HAPLN3: variants seen among roughly 807,000 people sequenced by gnomAD.
The protein encoded by HAPLN3 is extracellular link domain containing, 1.
HAPLN3 carries 28 observed loss-of-function variants against 28.1 expected under a neutral mutation model. The ratio of observed to expected loss-of-function variants is 1.00; its 90% CI spans 0.74 to 1.37. The LOEUF (loss-of-function observed/expected upper bound fraction) is 1.37, where lower values mean the gene tolerates loss of function less well. HAPLN3 is among the 40% of genes most tolerant of loss of function. HAPLN3 has a pLI of 0.00. For missense variants in HAPLN3, 513 were observed against 504.6 expected, an observed-to-expected ratio of 1.02 and a Z score of -0.16; for synonymous variants, 211 against 213.1, an observed-to-expected ratio of 0.99 and a Z score of 0.09.
intron 1 of HAPLN3, among the ~76,000 whole-genome samples, chr15:88,890,307 A>G (rs1332352733): frequency 6.6e-6 from 1 of 152,192 alleles, no homozygotes; most frequent in Non-Finnish European, 1.5e-5. Flanking sequence ...CTTCTTGTCC[A>G]AGAGGAATTC....
chr15:88,891,087 C>T (rs1468461200), intron 1 of HAPLN3, among the ~76,000 whole-genome samples: 1 of 152,028 alleles, frequency 6.6e-6, no homozygotes, highest in East Asian at 1.9e-4. Flanking sequence ...GCCATGTTGG[C>T]CAAGCTAGTC....
At position 88,880,881 on chromosome 15, in the gene HAPLN3, G is replaced by T. The variant is rs1218409221; in HGVS notation, c.493+476C>A. On this transcript the variant is annotated intron_variant, in intron 3 of 4. Transcript: ENST00000359595. The surrounding 1 kb of genome is among the most constrained non-coding windows in gnomAD (Gnocchi z 6.0). ...ATTCTGGCGTGGCATCATCAGCTGG[G>T]CCTGAGTAGTGTGGGAGCTCCCTGG... 6.6e-6 allele frequency among the ~76,000 whole-genome samples: 1 copy of T among 152,318 alleles called. No individual in the cohort carries two copies. The highest frequency in any genetic ancestry group is 1.9e-4 in the East Asian group (1 of 5,188).
intron 1 of HAPLN3, among the ~76,000 whole-genome samples, chr15:88,890,237 C>G (rs1402574708): frequency 1.3e-5 from 2 of 152,116 alleles, no homozygotes; most frequent in Non-Finnish European, 2.9e-5. Context: ...AATCCCAAGG[C>G]CCAGACCTGC....
intron 1 of HAPLN3, among the ~76,000 whole-genome samples, chr15:88,894,816 G>A (rs1461064089): frequency 1.3e-5 from 2 of 152,174 alleles, no homozygotes; most frequent in Non-Finnish European, 2.9e-5. Context: ...GTTTCTCCCT[G>A]AGGGTCGCCA....
At chr15:88,878,854 G>T in intron 4 of HAPLN3, 113 bp downstream of exon 4, 1 of 1,169,844 alleles carries the variant, frequency 8.5e-7, no homozygotes. Context: ...TGGCCTCCAG[G>T]TGGCAGTACC....
At chr15:88,892,843 G>T in intron 1 of HAPLN3, 2 of 1,014,708 alleles carry the variant, frequency 2.0e-6, no homozygotes, top group Non-Finnish European at 2.8e-6. Context: ...GACCATCCCT[G>T]ACCACTACCA....
chr15:88,891,741 C>G (rs1038077753), intron 1 of HAPLN3, among the ~76,000 whole-genome samples: 5 of 152,204 alleles, frequency 3.3e-5, no homozygotes, highest in Non-Finnish European at 7.3e-5. Context: ...GGATTCGAAC[C>G]CACTCCAGCC....
At position 88,879,238 on chromosome 15, in the gene HAPLN3, C is replaced by A; in HGVS notation, c.525G>T (p.Gly175=). 6.2e-7 allele frequency: 1 copy of A among 1,609,236 alleles called. No individual in the cohort carries two copies. Among genetic ancestry groups the A allele is most frequent in the Non-Finnish European group, 8.5e-7 (1 of 1,177,206 alleles). The change falls in exon 4 of 5, where the codon GGG becomes GGT. Residue 175 remains glycine (G), a synonymous_variant. Transcript: ENST00000359595. The surrounding 1 kb of genome is among the most constrained non-coding windows in gnomAD (Gnocchi z 5.0). The stretch of plus-strand genomic sequence containing the variant: ...CCTCGTGGAAGTTGAACTGGTAGCG[C>A]CCGTTGGGGGACTGGTAAGGAAAGA... The part of the protein sequence containing the change: ...GVVFPYQSPN[G]RYQFNFHEGQ...
Position 88,888,483 on chromosome 15 carries a change from G to A in HAPLN3, c.-47-1138C>T, listed in dbSNP as rs886525248. Among the ~76,000 whole-genome samples the A allele has an allele frequency of 4.6e-5, 7 of 152,112 alleles. No individual in the cohort carries two copies. Among genetic ancestry groups the A allele is most frequent in the African/African-American group, 1.7e-4 (7 of 41,406 alleles). On this transcript the variant is annotated intron_variant, in intron 1 of 4. Coordinates refer to ENST00000359595, the MANE Select transcript of HAPLN3 (RefSeq NM_178232.4). This position sits in a 1 kb window ranked among gnomAD's most constrained non-coding sequence, Gnocchi z 4.1. ...AGAGGTAGCCAACCCATGGGCTGTA[G>A]TTTGATGATTTGATTTTTTTTTAAA... is the stretch of plus-strand genomic sequence containing the variant.
In HAPLN3 at chr15:88,882,958, T is replaced by C. The variant is rs569847251; in HGVS notation, c.125-1233A>G. On this transcript the variant is annotated intron_variant, in intron 2 of 4. Coordinates refer to ENST00000359595, the MANE Select transcript of HAPLN3 (RefSeq NM_178232.4). ...AAGTCAAGGCTGCAGTGAGTCATGA[T>C]CGCACCACTGCATTCCAAACTGGGT... Among the ~76,000 whole-genome samples, 8 of 152,274 alleles carry C rather than the reference T, an allele frequency of 5.3e-5. No homozygotes were observed. The South Asian group carries it at 1.5e-3, about 28-fold the overall frequency.
chr15:88,880,436 G>A lies in HAPLN3; in HGVS notation c.493+921C>T. Reference sequence around the variant, plus strand: ...CATTGCCTCTGAGGGAGGTAAAGGAGGAAAGATTGTGATACCCCATTTTAC... The same window carrying A: ...CATTGCCTCTGAGGGAGGTAAAGGAAGAAAGATTGTGATACCCCATTTTAC... On this transcript the variant is annotated intron_variant, in intron 3 of 4. Coordinates refer to ENST00000359595, the MANE Select transcript of HAPLN3 (RefSeq NM_178232.4). This position sits in a 1 kb window ranked among gnomAD's most constrained non-coding sequence, Gnocchi z 6.0. The A allele has an allele frequency of 8.4e-7, 1 of 1,195,984 alleles. No homozygotes were observed. Among genetic ancestry groups the A allele is most frequent in the Non-Finnish European group, 1.1e-6 (1 of 942,340 alleles). 74.1% of individuals were successfully genotyped at this position (1,195,984 alleles called of 1,614,324 possible). A position where few individuals can be genotyped will look rare whatever the true frequency, so the allele number is the denominator to read the frequency against.
intron 4 of HAPLN3, among the ~76,000 whole-genome samples, chr15:88,878,743 T>G (rs1004812537): frequency 4.6e-5 from 7 of 152,156 alleles, no homozygotes; most frequent in Admixed American, 4.6e-4. Context: ...CAGTAAACAT[T>G]TGATGAATGA....
rs192341682 is a variant in HAPLN3, at chr15:88,881,127, C to T, written c.493+230G>A. 19 of 582,568 alleles carry T rather than the reference C, an allele frequency of 3.3e-5. No individual in the cohort carries two copies. Among genetic ancestry groups the T allele is most frequent in the African/African-American group, 2.6e-4 (14 of 53,480 alleles). The allele number at this position is 582,568 out of a possible 1,614,324, so 36.1% of individuals were successfully genotyped here. A position where few individuals can be genotyped will look rare whatever the true frequency, so the allele number is the denominator to read the frequency against. ...TAGAGGCTGGGTGCTTGGGTTCAGA[C>T]CCCAGCTCTGTCGTTTACAAGCTGT... is the stretch of plus-strand genomic sequence containing the variant. On this transcript the variant is annotated intron_variant, in intron 3 of 4. Transcript: ENST00000359595. The surrounding 1 kb of genome is among the most constrained non-coding windows in gnomAD (Gnocchi z 6.0).
At chr15:88,892,291 T>C (rs111232466) in intron 1 of HAPLN3, among the ~76,000 whole-genome samples, 22,898 of 151,826 alleles carry the variant, frequency 0.15, 2,180 homozygotes, top group South Asian at 0.28. Context: ...ACCCCGTCTC[T>C]ACTAAAAATA....
rs145546030 is a variant in HAPLN3 at position 88,888,343 on chromosome 15, G to A, written c.-47-998C>T. On this transcript the variant is annotated intron_variant, in intron 1 of 4. Coordinates refer to ENST00000359595, the MANE Select transcript of HAPLN3 (RefSeq NM_178232.4). The surrounding 1 kb of genome is among the most constrained non-coding windows in gnomAD (Gnocchi z 4.1). ...CCTGACCTAGTGATCAGCCCGCCTC[G>A]GCCTCCCAAAGTGCTGAGATTACAG... Among the ~76,000 whole-genome samples, 407 of 151,990 alleles carry A rather than the reference G, an allele frequency of 2.7e-3. 3 individuals are homozygous for A. Among genetic ancestry groups the A allele is most frequent in the African/African-American group, 9.4e-3 (391 of 41,464 alleles).
intron 2 of HAPLN3, among the ~76,000 whole-genome samples, chr15:88,885,013 G>A (rs1174348650): frequency 2.0e-5 from 3 of 152,250 alleles, no homozygotes; most frequent in Middle Eastern, 3.2e-3. Flanking sequence ...AAAGCAGTGA[G>A]AGAATACATT....
chr15:88,881,687 C>T lies in HAPLN3; in HGVS notation c.163G>A (p.Glu55Lys), dbSNP rs768292421. The change falls in exon 3 of 5, where the codon GAG becomes AAG. Residue 55 changes from glutamate (E) to lysine (K), a missense_variant. Glu to Lys is a moderately conservative substitution (Grantham distance 56). Transcript: ENST00000359595. This position sits in a 1 kb window ranked among gnomAD's most constrained non-coding sequence, Gnocchi z 6.0. The stretch of plus-strand genomic sequence containing the variant: ...CCTTGGTAGGTGAACAGGGTCTCCT[C>T]GGGTGTCTCCACCACCAGCTTCACT... ...NGVKLVVETP[E>K]ETLFTYQGAS... 2.9e-5 allele frequency: 47 copies of T among 1,613,352 alleles called. No homozygotes were observed. The Admixed American group carries it at 6.3e-4, about 22-fold the overall frequency.
In HAPLN3 at chr15:88,880,707, G is replaced by T. The variant is rs1897672759; in HGVS notation, c.493+650C>A. 7.9e-6 allele frequency: 5 copies of T among 631,634 alleles called. No homozygotes were observed. The highest frequency in any genetic ancestry group is 1.1e-5 in the Non-Finnish European group (5 of 450,716). 39.1% of individuals were successfully genotyped at this position (631,634 alleles called of 1,614,324 possible). The stretch of plus-strand genomic sequence containing the variant: ...GTGTGGCTGGTTTGGACAGCACTGG[G>T]TTTTTGTTTTTGGTTTTGGGGGGGC... On this transcript the variant is annotated intron_variant, in intron 3 of 4. Coordinates refer to ENST00000359595, the MANE Select transcript of HAPLN3 (RefSeq NM_178232.4). This position sits in a 1 kb window ranked among gnomAD's most constrained non-coding sequence, Gnocchi z 6.0.
At position 88,879,368 on chromosome 15, in the gene HAPLN3, C is replaced by A. The variant is rs1022631072; in HGVS notation, c.494-99G>T. The A allele has an allele frequency of 4.5e-6, 7 of 1,572,592 alleles. No individual in the cohort carries two copies. The African/African-American group carries it at 5.4e-5, about 12-fold the overall frequency. On this transcript the variant is annotated intron_variant, in intron 3 of 4. Transcript: ENST00000359595. The surrounding 1 kb of genome is among the most constrained non-coding windows in gnomAD (Gnocchi z 5.0). ...CCTTCACTGGGACATGTGCTGCCTG[C>A]AACACACACACATACACCATCCCTC... is the stretch of plus-strand genomic sequence containing the variant.
Sources: allele counts gnomAD v4.1 joint callset (sites outside exome capture counted in the v4.1 genomes callset), GRCh38; gene constraint gnomAD v4.1.1; non-coding constraint Gnocchi (gnomAD v3.1); transcripts MANE v1.5; gene names NCBI Gene and HGNC (gene_info 2026-07-23, HGNC 2026-07-21).